ACSL3: variants seen among roughly 807,000 people sequenced by gnomAD.
ACSL3 encodes the protein fatty acid CoA ligase Acsl3.
A neutral mutation model predicts 84.7 loss-of-function variants in ACSL3; 34 were observed. That is an observed-to-expected ratio of 0.40 (90% CI 0.31 to 0.53). The LOEUF (loss-of-function observed/expected upper bound fraction) is 0.53, where lower values mean the gene tolerates loss of function less well. Ranked by LOEUF, ACSL3 falls within the 20% of genes least tolerant of loss-of-function variation. The probability of loss-of-function intolerance (pLI) is 0.48; values close to 1 mark genes in which losing one functional copy is unlikely to be tolerated. For missense variants in ACSL3, 680 were observed against 873.1 expected (o/e 0.78, Z 2.79); for synonymous variants, 315 against 299.4 (o/e 1.05, Z -0.54).
intron 10 of ACSL3, 27 bp from the exon 11 acceptor site, chr2:222,924,427 CTA>C (rs1340323810): frequency 1.3e-6 from 2 of 1,536,926 alleles, no homozygotes; most frequent in Non-Finnish European, 1.8e-6. Flanking sequence ...TTATTATTAA[CTA>C]TGTTAAACTC....
At chr2:222,931,965 C>A (rs1403602568) in intron 14 of ACSL3, among the ~76,000 whole-genome samples, 1 of 152,054 alleles carries the variant, frequency 6.6e-6, no homozygotes, top group Non-Finnish European at 1.5e-5. Flanking sequence ...GTGGGAGTAT[C>A]ACAGGAGCCC....
At chr2:222,868,448 T>G (rs1185503454) in intron 1 of ACSL3, among the ~76,000 whole-genome samples, 2 of 152,230 alleles carry the variant, frequency 1.3e-5, no homozygotes, top group Non-Finnish European at 2.9e-5. Flanking sequence ...TTTTATTTTT[T>G]GTTAGAGTAT....
chr2:222,886,551 A>G (rs1267256492), intron 1 of ACSL3, among the ~76,000 whole-genome samples: 3 of 152,254 alleles, frequency 2.0e-5, no homozygotes, highest in Non-Finnish European at 4.4e-5. Context: ...TCTTAAAAAT[A>G]ACTATATAAT....
intron 1 of ACSL3, among the ~76,000 whole-genome samples, chr2:222,866,724 G>T: frequency 1.6e-5 from 1 of 63,322 alleles, no homozygotes; most frequent in Non-Finnish European, 2.9e-5. Context: ...CAAAGTTGCT[G>T]CCCCAAATAA....
chr2:222,919,291 T>C (rs967789077), intron 7 of ACSL3, 89 bp downstream of exon 7: 4 of 1,479,622 alleles, frequency 2.7e-6, no homozygotes, highest in Non-Finnish European at 3.7e-6. Context: ...TGAGGTTAGC[T>C]CAAATGACAC....
chr2:222,891,382 G>T (rs1227360065), intron 2 of ACSL3, among the ~76,000 whole-genome samples: 1 of 152,128 alleles, frequency 6.6e-6, no homozygotes, highest in Non-Finnish European at 1.5e-5. Context: ...TTAGTAATTG[G>T]CAGCAGAGCT....
intron 7 of ACSL3, 139 bp from the exon 8 acceptor site, chr2:222,921,141 C>A: frequency 1.1e-6 from 1 of 910,890 alleles, no homozygotes; most frequent in East Asian, 2.6e-5. Flanking sequence ...TTGTTGATCT[C>A]AGTATAACTA....
chr2:222,873,138 GCAAA>G (rs1037196657), intron 1 of ACSL3, among the ~76,000 whole-genome samples: 15 of 152,046 alleles, frequency 9.9e-5, no homozygotes, highest in African/African-American at 3.4e-4. Context: ...TACAAAATTT[GCAAA>G]CAGTTAACTT....
chr2:222,892,693 A>G (rs1010741164), intron 2 of ACSL3, among the ~76,000 whole-genome samples: 4 of 152,198 alleles, frequency 2.6e-5, no homozygotes, highest in Admixed American at 1.3e-4. Flanking sequence ...GGTATTAACT[A>G]TAGAATTTAT....
At position 222,942,515 on chromosome 2, in the gene ACSL3, ATAAAGT is replaced by A. The variant is rs1697339671; in HGVS notation, c.*864_*869del. On this transcript the variant is annotated 3_prime_UTR_variant, in exon 17 of 17. Transcript: ENST00000357430. ...GATAGAATTTAAAGAACAAGAGTAT[ATAAAGT>A]TATTCTTTGAATATTTCGTTGACTA... 1.5e-5 allele frequency: 3 copies of A among 193,728 alleles called. No individual in the cohort carries two copies. Among genetic ancestry groups the A allele is most frequent in the African/African-American group, 2.3e-5 (1 of 43,244 alleles). 12.0% of individuals were successfully genotyped at this position (193,728 alleles called of 1,614,324 possible).
In ACSL3 at chr2:222,922,782, C is replaced by G. The variant is rs758127014; in HGVS notation, c.1031C>G (p.Ser344Cys). Residue 344 changes from serine to cysteine, a missense_variant, in exon 9 of 17, where the codon TCT becomes TGT. This residue lies in a region of ACSL3 where 347 missense variants were observed against 525.7 expected (regional missense o/e 0.66). Transcript: ENST00000357430. ...TTAAGTGCTGAGCTTGTCTGTCTTTCTCACGGATGCCGCATTGGTTACTCT... is the reference window on the plus strand; with the variant it reads ...TTAAGTGCTGAGCTTGTCTGTCTTTGTCACGGATGCCGCATTGGTTACTCT... Reference protein sequence around the residue: ...LELSAELVCLSHGCRIGYSSP... With the variant: ...LELSAELVCLCHGCRIGYSSP... The G allele has an allele frequency of 2.5e-6, 4 of 1,614,092 alleles. No homozygotes were observed. The African/African-American group carries it at 4.0e-5, about 16-fold the overall frequency.
intron 16 of ACSL3, among the ~76,000 whole-genome samples, chr2:222,938,374 T>G (rs1697227364): frequency 6.6e-6 from 1 of 152,200 alleles, no homozygotes; most frequent in Non-Finnish European, 1.5e-5. Context: ...CCTCTACTGT[T>G]GTTTATCAAG....
At chr2:222,899,348 G>T (rs1696075624) in intron 2 of ACSL3, among the ~76,000 whole-genome samples, 2 of 152,090 alleles carry the variant, frequency 1.3e-5, no homozygotes, top group African/African-American at 4.8e-5. Context: ...GGTGGCAGGC[G>T]ACTGTCGTCC....
chr2:222,868,721 C>T (rs1187961828), intron 1 of ACSL3, among the ~76,000 whole-genome samples: 3 of 152,134 alleles, frequency 2.0e-5, no homozygotes, highest in Admixed American at 6.5e-5. Flanking sequence ...CCGAGGAGGG[C>T]GGATCACCTG....
At chr2:222,917,991 T>C (rs1574553819) in intron 5 of ACSL3, 55 bp from the exon 6 acceptor site, 1 of 1,278,948 alleles carries the variant, frequency 7.8e-7, no homozygotes. Flanking sequence ...TTCAGAGACT[T>C]TACATTTGTA....
intron 3 of ACSL3, among the ~76,000 whole-genome samples, chr2:222,906,158 T>C (rs1198371975): frequency 6.6e-6 from 1 of 152,216 alleles, no homozygotes; most frequent in African/African-American, 2.4e-5. Context: ...CCTTATTTGT[T>C]AACTGACTTG....
chr2:222,899,800 C>T (rs1370588912), intron 2 of ACSL3, among the ~76,000 whole-genome samples: 3 of 152,110 alleles, frequency 2.0e-5, no homozygotes, highest in Non-Finnish European at 4.4e-5. Context: ...GATAACATTG[C>T]AAAAATCAAT....
Position 222,942,669 on chromosome 2 carries a change from G to A in ACSL3, c.*1015G>A, listed in dbSNP as rs1697345057. ...TTAAAATTAGTGTTTTTCCTAGTTT[G>A]CACTGATGCGTGTATGGATGTGTGT... On this transcript the variant is annotated 3_prime_UTR_variant, in exon 17 of 17. Coordinates refer to ENST00000357430, the MANE Select transcript of ACSL3 (RefSeq NM_004457.5). The A allele has an allele frequency of 4.8e-6, 1 of 207,778 alleles. No homozygotes were observed. Among genetic ancestry groups the A allele is most frequent in the South Asian group, 1.9e-4 (1 of 5,300 alleles). The allele number at this position is 207,778 out of a possible 1,614,324, so 12.9% of individuals were successfully genotyped here.
At chr2:222,881,342 C>T (rs1695587622) in intron 1 of ACSL3, among the ~76,000 whole-genome samples, 1 of 152,194 alleles carries the variant, frequency 6.6e-6, no homozygotes, top group Non-Finnish European at 1.5e-5. Context: ...AGAGTTAGAG[C>T]CTTCTTGATA....
Sources: gnomAD v4.1 joint callset for allele counts (sites outside exome capture counted in the v4.1 genomes callset) on GRCh38, gnomAD v4.1.1 for gene constraint, gnomAD v4.1.1 regional missense constraint, MANE v1.5 for transcripts, NCBI Gene and HGNC (gene_info 2026-07-23, HGNC 2026-07-21) for gene names.